The following MFSD11 variants were observed in gnomAD, a reference collection of about 807,000 sequenced individuals.
MFSD11 encodes major facilitator superfamily domain containing 11.
Under a neutral mutation model 53.5 loss-of-function variants are expected in MFSD11, and 36 were observed. The observed-to-expected ratio is 0.67, with a 90% CI of 0.52 to 0.89. MFSD11 has a LOEUF of 0.89. Among genes scored for constraint, MFSD11 ranks in the 40% least tolerant of loss-of-function variants. The probability of loss-of-function intolerance (pLI) is 0.00; values close to 1 mark genes in which losing one functional copy is unlikely to be tolerated. For missense variants in MFSD11, 530 were observed against 543.9 expected, an observed-to-expected ratio of 0.97 and a Z score of 0.25; for synonymous variants, 186 against 184.9, an observed-to-expected ratio of 1.01 and a Z score of -0.05.
chr17:76,751,215 C>G (rs1412479405), intron 7 of MFSD11, among the ~76,000 whole-genome samples: 1 of 151,102 alleles, frequency 6.6e-6, no homozygotes, highest in Non-Finnish European at 1.5e-5. Context: ...ACGGTGAAAC[C>G]CATCTCTACT....
downstream of MFSD11, chr17:76,781,177 CGTATAGTT>C (rs896626983): frequency 6.6e-6 from 1 of 152,168 alleles, no homozygotes. Context: ...CCTGCTCACT[CGTATAGTT>C]GTTGCAGGAG....
chr17:76,800,025 G>T, the MFSD11 span, among the ~76,000 whole-genome samples: 126 of 141,540 alleles, frequency 8.9e-4, no homozygotes, highest in African/African-American at 3.0e-3. Flanking sequence ...GTGTGATCTT[G>T]GCTCACTACA....
intron 8 of MFSD11, 49 bp downstream of exon 8, chr17:76,754,136 G>A (rs538264046): frequency 1.6e-4 from 173 of 1,088,930 alleles, no homozygotes; most frequent in Admixed American, 6.8e-4. Flanking sequence ...GGAACAACTC[G>A]GCATTTGCCT....
At chr17:76,795,319 CAAAAAA>C in the MFSD11 span, among the ~76,000 whole-genome samples, 5 of 116,270 alleles carry the variant, frequency 4.3e-5, no homozygotes, top group Non-Finnish European at 6.9e-5. Context: ...CTGTTTCTAC[CAAAAAA>C]AAAAAAAAAA....
chr17:76,739,062 A>G (rs2144028561), intron 2 of MFSD11, 69 bp downstream of exon 2: 1 of 1,190,184 alleles, frequency 8.4e-7, no homozygotes, highest in Non-Finnish European at 1.3e-6. Flanking sequence ...CAGAATCACC[A>G]GCAATAGAAT....
chr17:76,764,952 A>G (rs989843145), intron 8 of MFSD11, among the ~76,000 whole-genome samples: 3 of 152,166 alleles, frequency 2.0e-5, no homozygotes, highest in African/African-American at 4.8e-5. Flanking sequence ...CTTTTTGATA[A>G]TAGCCATCCC....
the MFSD11 span, among the ~76,000 whole-genome samples, chr17:76,795,652 A>C: frequency 6.6e-6 from 1 of 152,026 alleles, no homozygotes; most frequent in Non-Finnish European, 1.5e-5. Flanking sequence ...GTGGAAGATG[A>C]GGGATGTTGT....
At chr17:76,771,473 A>G (rs2081372828) in intron 10 of MFSD11, among the ~76,000 whole-genome samples, 1 of 152,256 alleles carries the variant, frequency 6.6e-6, no homozygotes, top group Admixed American at 6.5e-5. Context: ...TGTCATGTCA[A>G]CAAAATAGAC....
chr17:76,753,873 C>G (rs561328029), intron 7 of MFSD11, among the ~76,000 whole-genome samples, 174 bp from the exon 8 acceptor site: 17 of 152,004 alleles, frequency 1.1e-4, no homozygotes, highest in Non-Finnish European at 2.1e-4. Context: ...AAACCTGAAG[C>G]GAGGGTGTGG....
intron 1 of MFSD11, 101 bp downstream of exon 1, chr17:76,738,549 A>G: frequency 1.2e-6 from 1 of 826,226 alleles, no homozygotes; most frequent in South Asian, 1.7e-5. Context: ...CTTTAATTGC[A>G]TCTTTCATTT....
chr17:76,760,054 G>C (rs543067053), intron 8 of MFSD11, among the ~76,000 whole-genome samples: 1 of 151,436 alleles, frequency 6.6e-6, no homozygotes, highest in South Asian at 2.1e-4. Context: ...GATCACCTAA[G>C]GTCAGGAGTT....
chr17:76,747,399 G>A (rs2078650773), intron 7 of MFSD11, among the ~76,000 whole-genome samples: 1 of 151,648 alleles, frequency 6.6e-6, no homozygotes, highest in Admixed American at 6.6e-5. Context: ...CAATGGCGTA[G>A]TCTTGGCTCA....
chr17:76,782,055 C>T (rs57839969), downstream of MFSD11, among the ~76,000 whole-genome samples: 4,714 of 151,296 alleles, frequency 0.031, 255 homozygotes, highest in African/African-American at 0.11. Context: ...TCCTGGACTC[C>T]AGTGATCCTC....
chr17:76,800,325 T>C, the MFSD11 span, among the ~76,000 whole-genome samples: 1 of 152,172 alleles, frequency 6.6e-6, no homozygotes, highest in African/African-American at 2.4e-5. Flanking sequence ...GAGCTAGTAC[T>C]GAAGTGGTAT....
the MFSD11 span, among the ~76,000 whole-genome samples, chr17:76,802,939 C>T: frequency 2.0e-5 from 3 of 151,968 alleles, no homozygotes; most frequent in East Asian, 3.9e-4. Flanking sequence ...AAACCCAAAG[C>T]GAGGCCAGGA....
chr17:76,771,502 A>T (rs927772465), intron 10 of MFSD11, among the ~76,000 whole-genome samples: 1 of 152,260 alleles, frequency 6.6e-6, no homozygotes, highest in Non-Finnish European at 1.5e-5. Context: ...CTGCCCATAT[A>T]GAGCTTATAT....
chr17:76,777,986 T>A (rs1405782618), intron 12 of MFSD11, among the ~76,000 whole-genome samples: 1 of 152,166 alleles, frequency 6.6e-6, no homozygotes, highest in Non-Finnish European at 1.5e-5. Context: ...AATGCTATTT[T>A]AAATACCAGG....
chr17:76,795,475 C>T, the MFSD11 span, among the ~76,000 whole-genome samples: 2 of 151,160 alleles, frequency 1.3e-5, no homozygotes, highest in African/African-American at 2.4e-5. Flanking sequence ...GGTGACAGAA[C>T]GAGACTCCAT....
the MFSD11 span, among the ~76,000 whole-genome samples, chr17:76,788,560 T>G: frequency 5.4e-5 from 8 of 149,068 alleles, no homozygotes; most frequent in African/African-American, 2.0e-4. Flanking sequence ...GAGACGGGGT[T>G]TCACAGCCTC....
Sources: gnomAD v4.1 joint callset for allele counts (sites outside exome capture counted in the v4.1 genomes callset) on GRCh38, gnomAD v4.1.1 for gene constraint, MANE v1.5 for transcripts, NCBI Gene and HGNC (gene_info 2026-07-23, HGNC 2026-07-21) for gene names.